IGF2R: variants seen among roughly 807,000 people sequenced by gnomAD.
The protein encoded by IGF2R is cation-independent mannose-6-phosphate receptor.
IGF2R carries 91 observed loss-of-function variants against 270.6 expected under a neutral mutation model. The observed-to-expected ratio is 0.34, with a 90% CI of 0.28 to 0.40. The LOEUF (loss-of-function observed/expected upper bound fraction) is 0.40. Ranked by LOEUF, IGF2R falls within the 10% of genes least tolerant of loss-of-function variation. The probability of loss-of-function intolerance (pLI) is 1.00; values close to 1 mark genes in which losing one functional copy is unlikely to be tolerated. For synonymous variants in IGF2R, 1,316 were observed against 1,258.9 expected (o/e 1.05, Z -0.96); for missense variants, 2,805 against 3,188.3 (o/e 0.88, Z 2.90).
intron 45 of IGF2R, 62 bp downstream of exon 45, chr6:160,096,687 A>T (rs1208129490): frequency 7.6e-7 from 1 of 1,321,220 alleles, no homozygotes; most frequent in Non-Finnish European, 1.0e-6. Context: ...GAATAAGTGT[A>T]TGTGTGTTTT....
chr6:160,092,761 G>T (rs3777399), intron 44 of IGF2R, among the ~76,000 whole-genome samples: 1 of 152,052 alleles, frequency 6.6e-6, no homozygotes, highest in South Asian at 2.1e-4. Context: ...GAGCGGAGCC[G>T]CACCGCCTGT....
rs773737669 is a variant in IGF2R, at chr6:160,102,950, C to T, written c.6995+279C>T. On this transcript the variant is annotated intron_variant, in intron 46 of 47. Transcript: ENST00000356956. This position sits in a 1 kb window ranked among gnomAD's most constrained non-coding sequence, Gnocchi z 4.5. The stretch of plus-strand genomic sequence containing the variant: ...GTCCAAAGATGAGTAGAACATTAAA[C>T]GGCACCTTTCATGGGTGCCTTTTCC... 5.9e-5 allele frequency among the ~76,000 whole-genome samples: 9 copies of T among 152,130 alleles called. No individual in the cohort carries two copies. The highest frequency in any genetic ancestry group is 2.1e-4 in the South Asian group (1 of 4,824).
At chr6:160,103,596 AC>A (rs1779542808) in intron 46 of IGF2R, 149 bp from the exon 47 acceptor site, 2 of 638,530 alleles carry the variant, frequency 3.1e-6, no homozygotes, top group African/African-American at 3.7e-5. Context: ...ATAACCTGTC[AC>A]GGCTACTCAT....
rs199943808 is a variant in IGF2R, at chr6:160,059,123, G to T, written c.3091+25G>T. ...GGTGAGCTCAGAGCCATGTTGTTTT[G>T]TAGCTAAAAAGGGCCCTGGTGGCTC... On this transcript the variant is annotated intron_variant, in intron 22 of 47. Coordinates refer to ENST00000356956, the MANE Select transcript of IGF2R (RefSeq NM_000876.4). The T allele has an allele frequency of 1.1e-4, 170 of 1,604,054 alleles. No homozygotes were observed. The African/African-American group carries it at 2.2e-3, about 20-fold the overall frequency.
chr6:160,049,309 C>T (rs1237019770), intron 18 of IGF2R, among the ~76,000 whole-genome samples: 2 of 152,128 alleles, frequency 1.3e-5, no homozygotes, highest in African/African-American at 4.8e-5. Context: ...CTTGAGAACA[C>T]GTGTAACTCC....
At position 160,090,046 on chromosome 6, in the gene IGF2R, G is replaced by A. The variant is rs746202843; in HGVS notation, c.6598G>A (p.Asp2200Asn). The A allele has an allele frequency of 1.2e-5, 19 of 1,598,622 alleles. No homozygotes were observed. In the East Asian group the frequency reaches 3.4e-4, roughly 29 times the overall value. The part of the protein sequence containing the change: ...GANICQVKPN[D>N]QHFSRKVGTS... ...CAACATATGCCAGGTGAAGCCCAAC[G>A]ATCAGCACTTCAGTCGGAAAGTTGG... The change falls in exon 44 of 48, where the codon GAT (aspartate) becomes AAT (asparagine). Residue 2200 changes from aspartate (D) to asparagine (N), a missense_variant. This residue lies in a region of IGF2R where 1,851 missense variants were observed against 2,207.2 expected (regional missense o/e 0.84). Transcript: ENST00000356956.
intron 29 of IGF2R, among the ~76,000 whole-genome samples, chr6:160,067,000 A>C (rs1277863331): frequency 6.6e-6 from 1 of 152,186 alleles, no homozygotes; most frequent in Admixed American, 6.5e-5. Flanking sequence ...CCCACACAGT[A>C]ATTAGAATGA....
chr6:160,068,135 A>C, intron 29 of IGF2R, 114 bp from the exon 30 acceptor site: 1 of 1,129,718 alleles, frequency 8.9e-7, no homozygotes, highest in African/African-American at 1.6e-5. Flanking sequence ...GTCGAGTCTA[A>C]AGTTCTGTCA....
intron 41 of IGF2R, 105 bp from the exon 42 acceptor site, chr6:160,087,928 G>A: frequency 1.4e-6 from 1 of 707,024 alleles, no homozygotes; most frequent in Admixed American, 2.0e-5. Flanking sequence ...TGCCCTCTTT[G>A]GTTTCCCAAA....
At chr6:160,049,237 A>G (rs1167823821) in intron 18 of IGF2R, among the ~76,000 whole-genome samples, 3 of 152,190 alleles carry the variant, frequency 2.0e-5, no homozygotes, top group Non-Finnish European at 4.4e-5. Context: ...TTACTGGAGC[A>G]ATGAGTTCAG....
At chr6:160,029,024 C>T (rs554035344) in intron 6 of IGF2R, among the ~76,000 whole-genome samples, 7 of 152,214 alleles carry the variant, frequency 4.6e-5, no homozygotes, top group East Asian at 3.9e-4. Context: ...TGCTGTGTCA[C>T]GTAGGCTGGA....
chr6:160,034,314 A>G, intron 9 of IGF2R, 105 bp from the exon 10 acceptor site: 1 of 676,882 alleles, frequency 1.5e-6, no homozygotes, highest in Non-Finnish European at 2.7e-6. Flanking sequence ...ATCCGTAGTG[A>G]TTTGTTGATG....
At chr6:160,057,862 G>C (rs1325311104) in intron 20 of IGF2R, among the ~76,000 whole-genome samples, 161 bp from the exon 21 acceptor site, 3 of 152,160 alleles carry the variant, frequency 2.0e-5, no homozygotes, top group Admixed American at 6.5e-5. Context: ...ATTTGAAGAG[G>C]CTACATGTAG....
chr6:160,060,850 G>T, intron 23 of IGF2R, 133 bp downstream of exon 23: 1 of 759,366 alleles, frequency 1.3e-6, no homozygotes, highest in East Asian at 2.7e-5. Flanking sequence ...TGCAGGCAGC[G>T]TGACATTTCT....
intron 5 of IGF2R, 27 bp downstream of exon 5, chr6:160,024,731 G>T (rs1308780820): frequency 1.2e-6 from 2 of 1,610,454 alleles, no homozygotes; most frequent in East Asian, 2.2e-5. Context: ...GGCTGAGGGG[G>T]TGGTGGTGAG....
intron 44 of IGF2R, among the ~76,000 whole-genome samples, chr6:160,091,837 C>T (rs1012503708): frequency 6.6e-6 from 1 of 152,186 alleles, no homozygotes; most frequent in African/African-American, 2.4e-5. Context: ...AAAGTCTAGG[C>T]TCTCTCTGAC....
At chr6:159,978,426 T>C (rs1783727162) in intron 1 of IGF2R, among the ~76,000 whole-genome samples, 2 of 152,016 alleles carry the variant, frequency 1.3e-5, no homozygotes, top group African/African-American at 4.8e-5. Context: ...AAGGGGGCTG[T>C]CGTGGTTCCA....
At position 160,102,456 on chromosome 6, in the gene IGF2R, G is replaced by T; in HGVS notation, c.6843-63G>T. 6.4e-7 allele frequency: 1 copy of T among 1,570,358 alleles called. No individual in the cohort carries two copies. Among genetic ancestry groups the T allele is most frequent in the South Asian group, 1.2e-5 (1 of 86,530 alleles). Reference sequence around the variant, plus strand: ...TCTTGCCTTGGGGACTCAGGTCTCAGGTTGTGGCTGTGGCAGCAGGACCAC... The same window carrying T: ...TCTTGCCTTGGGGACTCAGGTCTCATGTTGTGGCTGTGGCAGCAGGACCAC... On this transcript the variant is annotated intron_variant, in intron 45 of 47. Transcript: ENST00000356956. This position sits in a 1 kb window ranked among gnomAD's most constrained non-coding sequence, Gnocchi z 4.5.
intron 41 of IGF2R, among the ~76,000 whole-genome samples, chr6:160,086,926 C>T (rs1218285768): frequency 6.6e-6 from 1 of 152,140 alleles, no homozygotes; most frequent in African/African-American, 2.4e-5. Context: ...GGACACCCTG[C>T]GCCATGCCCT....
Sources: gnomAD v4.1 joint callset for allele counts (sites outside exome capture counted in the v4.1 genomes callset) on GRCh38, gnomAD v4.1.1 for gene constraint, gnomAD v4.1.1 regional missense constraint, Gnocchi (gnomAD v3.1) non-coding constraint, MANE v1.5 for transcripts, NCBI Gene and HGNC (gene_info 2026-07-23, HGNC 2026-07-21) for gene names.